Variants in ACSM2B observed in about 807,000 individuals in gnomAD.
ACSM2B encodes the protein acyl-CoA synthetase medium chain family member 2B.
In ACSM2B, 58 loss-of-function variants were observed where a neutral mutation model predicts 78.6. The observed-to-expected ratio is 0.74, with a 90% confidence interval of 0.60 to 0.92. The LOEUF (loss-of-function observed/expected upper bound fraction) is 0.92. Among genes scored for constraint, ACSM2B ranks in the 40% least tolerant of loss-of-function variants. ACSM2B has a pLI of 0.00. For synonymous variants in ACSM2B, 257 were observed against 256.8 expected, an observed-to-expected ratio of 1.00 and a Z score of -0.01; for missense variants, 688 against 711.2, an observed-to-expected ratio of 0.97 and a Z score of 0.37.
chr16:20,565,764 C>T (rs1338975647), intron 1 of ACSM2B, among the ~76,000 whole-genome samples: 1 of 152,042 alleles, frequency 6.6e-6, no homozygotes, highest in Non-Finnish European at 1.5e-5. Flanking sequence ...TTACAGTATA[C>T]ACTTAACAGT....
At chr16:20,566,689 C>CTATATATAG (rs1464710206) in intron 1 of ACSM2B, among the ~76,000 whole-genome samples, 90 of 4,192 alleles carry the variant, frequency 0.021, 10 homozygotes, top group South Asian at 0.068. Context: ...ATAGTATATA[C>CTATATATAG]TATATATAGT....
At chr16:20,570,243 G>T (rs992499517) in intron 1 of ACSM2B, among the ~76,000 whole-genome samples, 1 of 151,698 alleles carries the variant, frequency 6.6e-6, no homozygotes, top group African/African-American at 2.4e-5. Flanking sequence ...ATGGTATGCT[G>T]ATTTTGCTGA....
intron 6 of ACSM2B, among the ~76,000 whole-genome samples, chr16:20,549,374 A>AT (rs1420302378): frequency 3.3e-5 from 5 of 152,086 alleles, no homozygotes; most frequent in Non-Finnish European, 7.4e-5. Context: ...CTTCTTGCTG[A>AT]TGGGGACTCT....
intron 6 of ACSM2B, 57 bp from the exon 7 acceptor site, chr16:20,548,530 C>T (rs2015212755): frequency 1.2e-6 from 2 of 1,612,122 alleles, no homozygotes; most frequent in Non-Finnish European, 1.7e-6. Flanking sequence ...CAACTTATGG[C>T]TATGCACAGT....
intron 1 of ACSM2B, among the ~76,000 whole-genome samples, chr16:20,568,481 T>C (rs771409939): frequency 1.0e-4 from 15 of 150,444 alleles, no homozygotes; most frequent in Non-Finnish European, 1.9e-4. Flanking sequence ...TGACAGGCAT[T>C]TGGGCTGGTT....
chr16:20,538,122 G>A (rs745657233), intron 13 of ACSM2B, among the ~76,000 whole-genome samples: 5 of 152,100 alleles, frequency 3.3e-5, no homozygotes, highest in African/African-American at 7.2e-5. Context: ...AGATGGTCTC[G>A]AATTTAATAA....
intron 4 of ACSM2B, chr16:20,554,156 T>C: frequency 4.4e-6 from 3 of 686,160 alleles, no homozygotes; most frequent in South Asian, 1.5e-5. Context: ...CTTATTTAAC[T>C]TCTCTGTGTC....
At chr16:20,548,507 C>G in intron 6 of ACSM2B, 34 bp from the exon 7 acceptor site, 1 of 1,613,266 alleles carries the variant, frequency 6.2e-7, no homozygotes. Flanking sequence ...ACATTGGTCA[C>G]CAGGTCAAAT....
intron 1 of ACSM2B, among the ~76,000 whole-genome samples, chr16:20,570,198 G>A (rs550223314): frequency 2.5e-4 from 38 of 151,852 alleles, no homozygotes; most frequent in African/African-American, 1.7e-4. Context: ...CTGTGGGTTT[G>A]TCATAGATGG....
Position 20,543,228 on chromosome 16 carries a change from C to T in ACSM2B, c.1316G>A (p.Gly439Glu), listed in dbSNP as rs1458157011. 6.2e-7 allele frequency: 1 copy of T among 1,613,718 alleles called. No homozygotes were observed. The highest frequency in any genetic ancestry group is 2.2e-5 in the East Asian group (1 of 44,900). The change falls in exon 11 of 14, where the codon GGA becomes GAA. Residue 439 changes from glycine (G) to glutamate (E), a missense_variant. Coordinates refer to ENST00000329697, the MANE Select transcript of ACSM2B (RefSeq NM_001105069.2). ...CCGGTCTCCAAGGAGCCAAAAGTCT[C>T]CTCGAATGTTGGCTGCTGTCTTGTC... ...NPDKTAANIR[G>E]DFWLLGDRGI...
At chr16:20,575,674 T>A (rs2016229080) in intron 1 of ACSM2B, 1 of 148,794 alleles carries the variant, frequency 6.7e-6, no homozygotes, top group Non-Finnish European at 1.5e-5. Context: ...GCCCACCGAC[T>A]CAAATGTTAA....
At chr16:20,555,164 C>T in intron 4 of ACSM2B, 105 bp downstream of exon 4, 1 of 1,552,876 alleles carries the variant, frequency 6.4e-7, no homozygotes. Context: ...CTTCCTAGTC[C>T]CATGCTGTTC....
rs370370027 is a variant in ACSM2B at position 20,575,338 on chromosome 16, T to G, written c.-9+869A>C. The G allele has an allele frequency of 6.6e-5, 10 of 151,798 alleles. No individual in the cohort carries two copies. The South Asian group carries it at 1.2e-3, about 19-fold the overall frequency. 9.4% of individuals were successfully genotyped at this position (151,798 alleles called of 1,614,324 possible). ...TCATATATATAAGTATATATATGAG[T>G]TTACTAAGTATTAACATATGTATGT... On this transcript the variant is annotated intron_variant, in intron 1 of 13. Coordinates refer to ENST00000329697, the MANE Select transcript of ACSM2B (RefSeq NM_001105069.2).
intron 3 of ACSM2B, among the ~76,000 whole-genome samples, chr16:20,557,098 T>A (rs539537257): frequency 6.6e-6 from 1 of 151,840 alleles, no homozygotes; most frequent in East Asian, 1.9e-4. Context: ...GTTGCTGGAG[T>A]TTCTTGGGGT....
rs909823246 is a variant in ACSM2B at position 20,546,270 on chromosome 16, T to G, written c.1179+124A>C. The stretch of plus-strand genomic sequence containing the variant: ...CCCCCTAACCTCCCTCCGTCCCTTT[T>G]TTCTGATATTATCTTAATATCAGTA... On this transcript the variant is annotated intron_variant, in intron 9 of 13. Transcript: ENST00000329697. 1.5e-5 allele frequency: 21 copies of G among 1,446,530 alleles called. No homozygotes were observed. In the Admixed American group the frequency reaches 3.8e-4, roughly 26 times the overall value. The allele number at this position is 1,446,530 out of a possible 1,614,324, so 89.6% of individuals were successfully genotyped here.
chr16:20,546,756 A>G, intron 8 of ACSM2B: 1 of 367,816 alleles, frequency 2.7e-6, no homozygotes, highest in East Asian at 5.4e-5. Flanking sequence ...ACATTTTAAT[A>G]CGACGCTATG....
rs895810882 is a variant in ACSM2B, at chr16:20,557,340, C to T, written c.389-1864G>A. Among the ~76,000 whole-genome samples, 13 of 152,298 alleles carry T rather than the reference C, an allele frequency of 8.5e-5. 1 individual carries two copies. Among genetic ancestry groups the T allele is most frequent in the Admixed American group, 4.6e-4 (7 of 15,304 alleles). Reference sequence around the variant, plus strand: ...TCACTCCAGTGAAAGACAGCACCCACTTGCTGAAATGTCTGACTTCTCTCT... The same window carrying T: ...TCACTCCAGTGAAAGACAGCACCCATTTGCTGAAATGTCTGACTTCTCTCT... On this transcript the variant is annotated intron_variant, in intron 3 of 13. Transcript: ENST00000329697.
intron 6 of ACSM2B, 91 bp downstream of exon 6, chr16:20,552,053 A>G (rs1351278586): frequency 2.0e-6 from 3 of 1,521,622 alleles, no homozygotes; most frequent in Non-Finnish European, 2.6e-6. Flanking sequence ...TTTAGCAAAA[A>G]TTAGATGAAT....
chr16:20,537,490 A>G, intron 13 of ACSM2B, 128 bp from the exon 14 acceptor site: 2 of 988,020 alleles, frequency 2.0e-6, no homozygotes, highest in South Asian at 1.5e-5. Flanking sequence ...GCCCTGTGCA[A>G]TAAGAAGCTT....
Sources: gnomAD v4.1 joint callset for allele counts (sites outside exome capture counted in the v4.1 genomes callset) on GRCh38, gnomAD v4.1.1 for gene constraint, MANE v1.5 for transcripts, NCBI Gene and HGNC (gene_info 2026-07-23, HGNC 2026-07-21) for gene names.